The following NRG2 variants were observed in gnomAD, a reference collection of about 807,000 sequenced individuals.
The protein encoded by NRG2 is pro-neuregulin-2, membrane-bound isoform.
In NRG2, 27 loss-of-function variants were observed where a neutral mutation model predicts 73.9. The observed-to-expected ratio is 0.37, with a 90% CI of 0.27 to 0.50. The LOEUF is 0.50. Ranked by LOEUF, NRG2 falls within the 20% of genes least tolerant of loss-of-function variation. The probability of loss-of-function intolerance (pLI) is 0.96; values close to 1 mark genes in which losing one functional copy is unlikely to be tolerated. For missense variants in NRG2, 1,126 were observed against 1,210.1 expected (o/e 0.93, Z 1.03); for synonymous variants, 532 against 541.0 (o/e 0.98, Z 0.23).
chr5:139,990,051 G>T (rs2431385), intron 1 of NRG2, among the ~76,000 whole-genome samples: 3 of 151,698 alleles, frequency 2.0e-5, no homozygotes, highest in Non-Finnish European at 4.4e-5. Context: ...GCCTCCCAAA[G>T]TGCTGGGATT....
In NRG2 at chr5:139,870,192, T is replaced by TG. The variant is rs1310721206; in HGVS notation, c.1112+1528dup. On this transcript the variant is annotated intron_variant, in intron 4 of 9. Coordinates refer to ENST00000361474, the MANE Select transcript of NRG2 (RefSeq NM_004883.3). The surrounding 1 kb of genome is among the most constrained non-coding windows in gnomAD (Gnocchi z 4.4). ...CTCTGAGCAAGTTTCACAGCTAGAA[T>TG]GTTCCCTAGGGTCTGTCATACTAAC... Among the ~76,000 whole-genome samples, 2 of 152,090 alleles carry TG rather than the reference T, an allele frequency of 1.3e-5. No individual in the cohort carries two copies. Among genetic ancestry groups the TG allele is most frequent in the African/African-American group, 4.8e-5 (2 of 41,374 alleles).
intron 5 of NRG2, among the ~76,000 whole-genome samples, chr5:139,861,473 C>T (rs972366605): frequency 6.6e-6 from 1 of 152,240 alleles, no homozygotes; most frequent in Non-Finnish European, 1.5e-5. Flanking sequence ...ATGGCTCTGA[C>T]TAAAGAGGCT....
intron 3 of NRG2, among the ~76,000 whole-genome samples, chr5:139,878,473 C>T (rs146782048): frequency 2.4e-4 from 37 of 152,300 alleles, no homozygotes; most frequent in Admixed American, 2.3e-3. Flanking sequence ...ACTCCCCAAA[C>T]ATGAGAGAGG....
chr5:139,911,166 A>T (rs1239469168), intron 1 of NRG2, among the ~76,000 whole-genome samples: 4 of 152,116 alleles, frequency 2.6e-5, no homozygotes, highest in Non-Finnish European at 4.4e-5. Flanking sequence ...GGGGGACAGC[A>T]TGTGAACAAG....
intron 1 of NRG2, among the ~76,000 whole-genome samples, chr5:139,994,504 G>A (rs941444299): frequency 1.3e-5 from 2 of 152,182 alleles, no homozygotes; most frequent in African/African-American, 2.4e-5. Context: ...GAAATAGGGA[G>A]TTGTTGTTTA....
At chr5:140,002,796 T>C (rs1758590387) in intron 1 of NRG2, among the ~76,000 whole-genome samples, 1 of 152,138 alleles carries the variant, frequency 6.6e-6, no homozygotes, top group East Asian at 1.9e-4. Context: ...GAGAGACCAA[T>C]TTGAAGGCTA....
intron 1 of NRG2, among the ~76,000 whole-genome samples, chr5:139,905,336 C>G (rs548536744): frequency 6.6e-6 from 1 of 152,356 alleles, no homozygotes; most frequent in South Asian, 2.1e-4. Context: ...TCTTCTGGCT[C>G]CCAGAAAGCC....
rs776886747 is a variant in NRG2 at position 139,865,123 on chromosome 5, T to G, written c.1189+426A>C. ...AGAAGAAAGAGACATACTGGAGAAG[T>G]TGACCATTGCGAACTGCTGACACCT... On this transcript the variant is annotated intron_variant, in intron 5 of 9. Coordinates refer to ENST00000361474, the MANE Select transcript of NRG2 (RefSeq NM_004883.3). The surrounding 1 kb of genome is among the most constrained non-coding windows in gnomAD (Gnocchi z 5.2). The G allele has an allele frequency of 1.9e-6, 3 of 1,613,060 alleles. No individual in the cohort carries two copies. Among genetic ancestry groups the G allele is most frequent in the African/African-American group, 1.3e-5 (1 of 74,878 alleles).
At chr5:139,881,058 C>A (rs1328362307) in intron 2 of NRG2, 84 bp from the exon 3 acceptor site, 1 of 1,082,690 alleles carries the variant, frequency 9.2e-7, no homozygotes, top group Non-Finnish European at 1.4e-6. Flanking sequence ...GGTTGCCTCT[C>A]TCCACAGAGC....
intron 1 of NRG2, among the ~76,000 whole-genome samples, chr5:139,974,687 C>T (rs923163287): frequency 6.6e-6 from 1 of 152,138 alleles, no homozygotes; most frequent in Non-Finnish European, 1.5e-5. Flanking sequence ...GTTACCAGCC[C>T]CTATTTCTCT....
chr5:139,957,307 CTGTGTGTGTGTGTGTGTGTG>C (rs70988722), intron 1 of NRG2, among the ~76,000 whole-genome samples: 29 of 143,984 alleles, frequency 2.0e-4, no homozygotes, highest in Admixed American at 6.9e-4. Context: ...TCAAGAATCT[CTGTGTGTGTGTGTGTGTGTG>C]TGTGTGTGTG....
intron 9 of NRG2, among the ~76,000 whole-genome samples, chr5:139,849,913 C>T (rs1311701254): frequency 2.6e-5 from 4 of 152,204 alleles, no homozygotes; most frequent in Admixed American, 2.6e-4. Flanking sequence ...CTGCTGAAGC[C>T]GGTCTTCCTG....
intron 1 of NRG2, among the ~76,000 whole-genome samples, chr5:139,994,012 T>TA (rs766028499): frequency 1.1e-4 from 17 of 152,210 alleles, no homozygotes; most frequent in Non-Finnish European, 1.8e-4. Context: ...TATAAAAAAG[T>TA]AATCTTATTA....
chr5:139,989,932 G>GCGTC (rs1561733780), intron 1 of NRG2, among the ~76,000 whole-genome samples: 1 of 151,080 alleles, frequency 6.6e-6, no homozygotes, highest in Non-Finnish European at 1.5e-5. Context: ...GGGACTACAG[G>GCGTC]TGCCCACCAC....
chr5:139,975,961 C>T (rs768809278), intron 1 of NRG2, among the ~76,000 whole-genome samples: 7 of 152,310 alleles, frequency 4.6e-5, no homozygotes, highest in Non-Finnish European at 8.8e-5. Context: ...ATTTATTAAG[C>T]ATTTATTGTG....
intron 1 of NRG2, among the ~76,000 whole-genome samples, chr5:139,907,375 T>C (rs1265918548): frequency 1.3e-5 from 2 of 152,198 alleles, no homozygotes; most frequent in African/African-American, 4.8e-5. Context: ...ACTTGACTGT[T>C]GTTTTTCATT....
chr5:139,865,517 G>A lies in NRG2; in HGVS notation c.1189+32C>T. On this transcript the variant is annotated intron_variant, in intron 5 of 9. Transcript: ENST00000361474. This position sits in a 1 kb window ranked among gnomAD's most constrained non-coding sequence, Gnocchi z 5.2. ...ACTGCACCCAGAAGCTTTCTAAGGA[G>A]CAGGGACTTGTGTTTGTATCTTCAA... The A allele has an allele frequency of 6.4e-7, 1 of 1,573,590 alleles. No homozygotes were observed. The highest frequency in any genetic ancestry group is 1.1e-5 in the South Asian group (1 of 89,806).
chr5:139,938,904 G>A (rs903113033), intron 1 of NRG2, among the ~76,000 whole-genome samples: 19 of 49,074 alleles, frequency 3.9e-4, no homozygotes, highest in East Asian at 5.7e-4. Flanking sequence ...AAGAAAGAAA[G>A]AAAAGAAAGA....
intron 2 of NRG2, among the ~76,000 whole-genome samples, chr5:139,881,653 C>T (rs1223966701): frequency 6.6e-6 from 1 of 152,234 alleles, no homozygotes; most frequent in Admixed American, 6.5e-5. Context: ...GTGTTCTCTG[C>T]TTACAGAAGG....
Sources: gnomAD v4.1 joint callset for allele counts (sites outside exome capture counted in the v4.1 genomes callset) on GRCh38, gnomAD v4.1.1 for gene constraint, Gnocchi (gnomAD v3.1) non-coding constraint, MANE v1.5 for transcripts, NCBI Gene and HGNC (gene_info 2026-07-23, HGNC 2026-07-21) for gene names.